TPH2: variants seen among roughly 807,000 people sequenced by gnomAD.
The protein encoded by TPH2 is tryptophan hydroxylase 2.
In TPH2, 27 loss-of-function variants were observed where a neutral mutation model predicts 59.1. The observed-to-expected ratio is 0.46, with a 90% CI of 0.34 to 0.63. The LOEUF (loss-of-function observed/expected upper bound fraction) is 0.63. Among genes scored for constraint, TPH2 ranks in the 30% least tolerant of loss-of-function variants. The pLI, the probability that TPH2 is intolerant of heterozygous loss-of-function variation, is 0.01. For missense variants in TPH2, 523 were observed against 588.3 expected, an observed-to-expected ratio of 0.89 and a Z score of 1.15; for synonymous variants, 220 against 210.5, an observed-to-expected ratio of 1.05 and a Z score of -0.39.
chr12:72,009,403 A>G (rs1403196213), intron 8 of TPH2, among the ~76,000 whole-genome samples: 1 of 152,198 alleles, frequency 6.6e-6, no homozygotes, highest in Admixed American at 6.5e-5. Flanking sequence ...AATTTTCACT[A>G]TCCTTTACCA....
intron 7 of TPH2, 143 bp downstream of exon 7, chr12:71,979,230 AG>A: frequency 7.8e-7 from 1 of 1,279,260 alleles, no homozygotes; most frequent in Non-Finnish European, 1.1e-6. Flanking sequence ...TAAAGAGAAA[AG>A]GGCTCACTGA....
In TPH2 at chr12:72,029,972, G is replaced by A. The variant is rs193282066; in HGVS notation, c.1165-1286G>A. ...AACCTTAGCTGTTAGAGACTGAGAA[G>A]GTAGAAAAGTATAATGGGTGGAATC... On this transcript the variant is annotated intron_variant, in intron 9 of 10. Transcript: ENST00000333850. Among the ~76,000 whole-genome samples, 164 of 152,226 alleles carry A rather than the reference G, an allele frequency of 1.1e-3. 1 individual carries two copies. The highest frequency in any genetic ancestry group is 1.9e-3 in the Non-Finnish European group (126 of 67,996).
chr12:71,988,446 A>C (rs1872499989), intron 7 of TPH2, among the ~76,000 whole-genome samples: 1 of 152,194 alleles, frequency 6.6e-6, no homozygotes, highest in Non-Finnish European at 1.5e-5. Context: ...GAAGCTTCCA[A>C]TCATGATGGA....
intron 5 of TPH2, among the ~76,000 whole-genome samples, chr12:71,969,192 A>G (rs1033565347): frequency 3.9e-5 from 6 of 152,280 alleles, no homozygotes; most frequent in Admixed American, 3.9e-4. Flanking sequence ...CTGAGGCAGG[A>G]GAATGGCGTG....
intron 5 of TPH2, among the ~76,000 whole-genome samples, chr12:71,969,687 T>A (rs1367645959): frequency 2.0e-5 from 3 of 152,180 alleles, no homozygotes; most frequent in Non-Finnish European, 4.4e-5. Flanking sequence ...CTATAAACCT[T>A]ATTTTAGTTT....
chr12:71,941,648 C>T lies in TPH2; in HGVS notation c.170C>T (p.Ala57Val), dbSNP rs1237519008. 6.2e-7 allele frequency: 1 copy of T among 1,614,088 alleles called. No individual in the cohort carries two copies. The highest frequency in any genetic ancestry group is 8.5e-7 in the Non-Finnish European group (1 of 1,179,982). ...AACAAGGGAAGCAGCAAACGTGAAGCTGCTACCGAAAGTGGCAAGACAGCA... is the reference window on the plus strand; with the variant it reads ...AACAAGGGAAGCAGCAAACGTGAAGTTGCTACCGAAAGTGGCAAGACAGCA... ...KGNKGSSKRE[A>V]ATESGKTAVV... The change falls in exon 2 of 11, where the codon GCT becomes GTT. Residue 57 changes from alanine (A) to valine (V), a missense_variant. Ala to Val is a moderately conservative substitution (Grantham distance 64). Transcript: ENST00000333850.
At chr12:71,948,064 A>C (rs1054079716) in intron 4 of TPH2, among the ~76,000 whole-genome samples, 3 of 152,142 alleles carry the variant, frequency 2.0e-5, no homozygotes, top group Non-Finnish European at 4.4e-5. Flanking sequence ...GTGAGTGTTG[A>C]AACAAGTACT....
In TPH2 at chr12:71,943,017, A is replaced by G. The variant is rs144149072; in HGVS notation, c.256-1277A>G. Reference sequence around the variant, plus strand: ...TAGCTAAGCCATTTAACCCATCTGGACCTCAGTTCCCCTAAAAACATCTAC... The same window carrying G: ...TAGCTAAGCCATTTAACCCATCTGGGCCTCAGTTCCCCTAAAAACATCTAC... On this transcript the variant is annotated intron_variant, in intron 2 of 10. Coordinates refer to ENST00000333850, the MANE Select transcript of TPH2 (RefSeq NM_173353.4). Among the ~76,000 whole-genome samples, 43 of 152,280 alleles carry G rather than the reference A, an allele frequency of 2.8e-4. No homozygotes were observed. The East Asian group carries it at 8.1e-3, about 29-fold the overall frequency.
At chr12:72,018,581 C>T (rs751320003) in intron 8 of TPH2, among the ~76,000 whole-genome samples, 4 of 152,066 alleles carry the variant, frequency 2.6e-5, no homozygotes, top group Non-Finnish European at 5.9e-5. Flanking sequence ...ATAGGCTGAC[C>T]CAAACGCTCC....
rs932291492 is a variant in TPH2, at chr12:71,964,772, A to T, written c.609-7747A>T. ...ATAAGAGTTAATTATAAATTTTGTG[A>T]TGATGAATTTTTTTTTTAACTTTTA... is the stretch of plus-strand genomic sequence containing the variant. On this transcript the variant is annotated intron_variant, in intron 5 of 10. Transcript: ENST00000333850. 1.1e-5 allele frequency: 11 copies of T among 984,782 alleles called. No individual in the cohort carries two copies. The African/African-American group carries it at 1.9e-4, about 17-fold the overall frequency. The allele number at this position is 984,782 out of a possible 1,614,324, so 61.0% of individuals were successfully genotyped here.
intron 4 of TPH2, among the ~76,000 whole-genome samples, chr12:71,946,664 A>T (rs903617349): frequency 2.0e-5 from 3 of 152,168 alleles, no homozygotes; most frequent in African/African-American, 7.2e-5. Flanking sequence ...TTGTTTGATG[A>T]GGATGGAAAA....
At chr12:72,028,702 A>G (rs1189073723) in intron 9 of TPH2, among the ~76,000 whole-genome samples, 1 of 152,188 alleles carries the variant, frequency 6.6e-6, no homozygotes, top group Non-Finnish European at 1.5e-5. Flanking sequence ...ATTAACAGCC[A>G]AACAGCAACA....
At chr12:71,977,091 G>T (rs997414354) in intron 6 of TPH2, among the ~76,000 whole-genome samples, 1 of 152,058 alleles carries the variant, frequency 6.6e-6, no homozygotes, top group Admixed American at 6.5e-5. Context: ...TTGCTCTGTT[G>T]CCCAAGCTGG....
At chr12:71,958,034 G>C (rs2139191980) in intron 5 of TPH2, among the ~76,000 whole-genome samples, 1 of 152,326 alleles carries the variant, frequency 6.6e-6, no homozygotes, top group Admixed American at 6.5e-5. Flanking sequence ...ACGAGCCCTT[G>C]AGGTAGGTGC....
chr12:71,982,816 G>C (rs186636570), intron 7 of TPH2, among the ~76,000 whole-genome samples: 1 of 152,318 alleles, frequency 6.6e-6, no homozygotes, highest in East Asian at 1.9e-4. Flanking sequence ...AGGTAGAAAT[G>C]AGCATGAAGC....
chr12:72,007,771 T>C (rs1872993990), intron 8 of TPH2, among the ~76,000 whole-genome samples: 1 of 152,180 alleles, frequency 6.6e-6, no homozygotes, highest in Admixed American at 6.6e-5. Context: ...TGTTCACTTT[T>C]TCCTCTTTCA....
intron 7 of TPH2, among the ~76,000 whole-genome samples, chr12:71,992,993 T>C (rs757695993): frequency 2.4e-4 from 36 of 152,348 alleles, no homozygotes; most frequent in Middle Eastern, 6.8e-3. Context: ...CAAATTCAGT[T>C]CAGTTCATGT....
chr12:71,968,148 T>C (rs529179412), intron 5 of TPH2, among the ~76,000 whole-genome samples: 4 of 152,326 alleles, frequency 2.6e-5, no homozygotes, highest in African/African-American at 7.2e-5. Flanking sequence ...TCCCTTTCGA[T>C]AGAGTGTTCT....
chr12:71,994,312 C>T (rs17840794), intron 7 of TPH2, 127 bp from the exon 8 acceptor site: 36,822 of 980,352 alleles, frequency 0.038, 1,318 homozygotes, highest in Admixed American at 0.11. Context: ...GAAGTCCCAG[C>T]ATTGATGAAC....
Sources: gnomAD v4.1 joint callset for allele counts (sites outside exome capture counted in the v4.1 genomes callset) on GRCh38, gnomAD v4.1.1 for gene constraint, MANE v1.5 for transcripts, NCBI Gene and HGNC (gene_info 2026-07-23, HGNC 2026-07-21) for gene names.